INVS: variants seen among roughly 807,000 people sequenced by gnomAD.
The protein encoded by INVS is inversin.
INVS carries 86 observed loss-of-function variants against 108.8 expected under a neutral mutation model. The observed-to-expected ratio is 0.79, with a 90% CI of 0.66 to 0.95. The LOEUF (loss-of-function observed/expected upper bound fraction) is 0.95, where lower values mean the gene tolerates loss of function less well. Among genes scored for constraint, INVS ranks in the 40% least tolerant of loss-of-function variants. The pLI is 0.00. For missense variants in INVS, 1,169 were observed against 1,297.4 expected (o/e 0.90, Z 1.52); for synonymous variants, 455 against 473.5 (o/e 0.96, Z 0.51).
chr9:100,263,526 C>T (rs1470859534), intron 10 of INVS, among the ~76,000 whole-genome samples: 1 of 152,202 alleles, frequency 6.6e-6, no homozygotes, highest in Non-Finnish European at 1.5e-5. Context: ...ATAATTCTTA[C>T]ACTCACCCTC....
chr9:100,273,106 C>T (rs770577892), intron 12 of INVS, 30 bp downstream of exon 12: 40 of 1,581,476 alleles, frequency 2.5e-5, no homozygotes, highest in Admixed American at 2.3e-4. Context: ...ATTGCGTTTT[C>T]GCCACCCAGA....
At chr9:100,112,870 C>T (rs1428923267) in intron 2 of INVS, among the ~76,000 whole-genome samples, 1 of 152,176 alleles carries the variant, frequency 6.6e-6, no homozygotes, top group African/African-American at 2.4e-5. Context: ...TCCTAATCCT[C>T]TCCTTTACTA....
intron 10 of INVS, among the ~76,000 whole-genome samples, chr9:100,264,566 T>TG (rs1289456961): frequency 6.7e-6 from 1 of 149,430 alleles, no homozygotes; most frequent in Non-Finnish European, 1.5e-5. Flanking sequence ...TGCAGTGAGC[T>TG]GAGATCTCAC....
intron 3 of INVS, among the ~76,000 whole-genome samples, chr9:100,188,022 G>C (rs1333142579): frequency 2.0e-5 from 3 of 152,132 alleles, no homozygotes; most frequent in Non-Finnish European, 4.4e-5. Context: ...TGTGTACATT[G>C]ATTTTGTAAC....
intron 16 of INVS, among the ~76,000 whole-genome samples, chr9:100,299,630 T>C (rs1355980896): frequency 3.7e-5 from 4 of 108,174 alleles, no homozygotes; most frequent in Non-Finnish European, 5.6e-5. Context: ...GCAGAGCCTT[T>C]TATTGACACA....
chr9:100,194,137 T>C (rs915035744), intron 3 of INVS, among the ~76,000 whole-genome samples: 5 of 152,196 alleles, frequency 3.3e-5, no homozygotes, highest in African/African-American at 1.2e-4. Flanking sequence ...TTTAAGAAAA[T>C]GGTGAACAGT....
chr9:100,278,477 T>G (rs1833176335), intron 12 of INVS, among the ~76,000 whole-genome samples: 1 of 152,044 alleles, frequency 6.6e-6, no homozygotes, highest in Non-Finnish European at 1.5e-5. Context: ...TTGGCAGGAG[T>G]GTATGGGTCT....
At chr9:100,177,838 C>T (rs1185847882) in intron 3 of INVS, among the ~76,000 whole-genome samples, 1 of 152,200 alleles carries the variant, frequency 6.6e-6, no homozygotes, top group Non-Finnish European at 1.5e-5. Flanking sequence ...CTGGGAGACA[C>T]CTCCCAGCAG....
chr9:100,223,220 G>A (rs575861109), intron 3 of INVS, among the ~76,000 whole-genome samples: 1 of 151,424 alleles, frequency 6.6e-6, no homozygotes, highest in African/African-American at 2.4e-5. Context: ...TCACCCTCCC[G>A]AGTAGCTGGA....
chr9:100,185,784 A>G (rs1172398237), intron 3 of INVS, among the ~76,000 whole-genome samples: 1 of 152,036 alleles, frequency 6.6e-6, no homozygotes, highest in Non-Finnish European at 1.5e-5. Context: ...GCTTCCACTT[A>G]TAAGTGAGAA....
At chr9:100,126,634 T>C in intron 3 of INVS, 85 bp downstream of exon 3, 2 of 1,287,722 alleles carry the variant, frequency 1.6e-6, no homozygotes, top group South Asian at 2.4e-5. Flanking sequence ...GGACAGATAA[T>C]AAAGAAGTCT....
chr9:100,255,314 G>A (rs1241998315), intron 10 of INVS, among the ~76,000 whole-genome samples: 1 of 152,184 alleles, frequency 6.6e-6, no homozygotes, highest in Non-Finnish European at 1.5e-5. Flanking sequence ...GAGATTTTCG[G>A]CTGAGACAAT....
At chr9:100,225,299 C>T (rs552134034) in intron 3 of INVS, among the ~76,000 whole-genome samples, 8 of 151,940 alleles carry the variant, frequency 5.3e-5, no homozygotes, top group Non-Finnish European at 8.8e-5. Context: ...CCACCCGCCT[C>T]GGCCTCCCAA....
chr9:100,249,587 C>G (rs536014193), intron 8 of INVS, among the ~76,000 whole-genome samples: 1 of 151,862 alleles, frequency 6.6e-6, no homozygotes, highest in African/African-American at 2.4e-5. Context: ...CTCCACCTCC[C>G]GGGTTCAAGT....
rs116673834 is a variant in INVS at position 100,292,113 on chromosome 9, T to A, written c.2069-213T>A. The stretch of plus-strand genomic sequence containing the variant: ...AGGCATGACAGTGCTTTCCAAAGGA[T>A]ATCCACTATATTTTCGTTAAGGCGA... On this transcript the variant is annotated intron_variant, in intron 13 of 16. Transcript: ENST00000262457. Among the ~76,000 whole-genome samples, 3 of 152,326 alleles carry A rather than the reference T, an allele frequency of 2.0e-5. No homozygotes were observed. In the East Asian group the frequency reaches 5.8e-4, roughly 29 times the overall value.
intron 1 of INVS, chr9:100,102,552 G>C (rs552953490): frequency 1.3e-5 from 2 of 152,136 alleles, no homozygotes; most frequent in Non-Finnish European, 2.9e-5. Flanking sequence ...TTTTAATTTA[G>C]TATTTAGCCA....
At chr9:100,200,508 A>G (rs1830503758) in intron 3 of INVS, among the ~76,000 whole-genome samples, 1 of 152,180 alleles carries the variant, frequency 6.6e-6, no homozygotes, top group African/African-American at 2.4e-5. Context: ...CCCTTAGTCT[A>G]GTTGAATCTA....
chr9:100,143,258 T>C (rs1339866912), intron 3 of INVS, among the ~76,000 whole-genome samples: 4 of 152,100 alleles, frequency 2.6e-5, no homozygotes, highest in Non-Finnish European at 5.9e-5. Context: ...ACGGGGTAGA[T>C]AGGCAAAACA....
At chr9:100,139,841 C>T (rs1228185639) in intron 3 of INVS, among the ~76,000 whole-genome samples, 2 of 152,192 alleles carry the variant, frequency 1.3e-5, no homozygotes, top group African/African-American at 4.8e-5. Flanking sequence ...AGGGGTTTCG[C>T]CTTATTGCCT....
Sources: gnomAD v4.1 joint callset for allele counts (sites outside exome capture counted in the v4.1 genomes callset) on GRCh38, gnomAD v4.1.1 for gene constraint, MANE v1.5 for transcripts, NCBI Gene and HGNC (gene_info 2026-07-23, HGNC 2026-07-21) for gene names.